Variants in SREBF2 observed in about 807,000 individuals in gnomAD.
The protein encoded by SREBF2 is sterol regulatory element-binding protein 2.
In SREBF2, 55 loss-of-function variants were observed where a neutral mutation model predicts 113.1. The ratio of observed to expected loss-of-function variants is 0.49; its 90% CI spans 0.39 to 0.61. The LOEUF is 0.61. Among genes scored for constraint, SREBF2 ranks in the 20% least tolerant of loss-of-function variants. The pLI, the probability that SREBF2 is intolerant of heterozygous loss-of-function variation, is 0.00. For missense variants in SREBF2, 1,349 were observed against 1,487.4 expected (o/e 0.91, Z 1.53); for synonymous variants, 593 against 605.7 (o/e 0.98, Z 0.31).
At chr22:41,846,217 A>G (rs2076875468) in intron 1 of SREBF2, among the ~76,000 whole-genome samples, 1 of 152,216 alleles carries the variant, frequency 6.6e-6, no homozygotes, top group Non-Finnish European at 1.5e-5. Flanking sequence ...TCTAGCTTGA[A>G]CAGAAAAGGA....
At position 41,902,461 on chromosome 22, in the gene SREBF2, G is replaced by A. The variant is rs1230290029; in HGVS notation, c.2908-509G>A. 3.3e-5 allele frequency among the ~76,000 whole-genome samples: 5 copies of A among 152,184 alleles called. No homozygotes were observed. The East Asian group carries it at 9.6e-4, about 29-fold the overall frequency. On this transcript the variant is annotated intron_variant, in intron 16 of 18. Coordinates refer to ENST00000361204, the MANE Select transcript of SREBF2 (RefSeq NM_004599.4). ...CCGGGTCAGTAGGCCTAGTCCCCAA[G>A]CACTAAGGCACTCTGTGGTTCTGTC...
chr22:41,904,868 C>G lies in SREBF2; in HGVS notation c.3099C>G (p.Phe1033Leu). The G allele has an allele frequency of 6.9e-6, 11 of 1,593,494 alleles. No homozygotes were observed. Among genetic ancestry groups the G allele is most frequent in the Non-Finnish European group, 9.4e-6 (11 of 1,172,178 alleles). ...TCACCCCGGCACCTCCCCAGGTGTTCCTGCATGAAGCCACCGTGCGCCTGA... is the reference window on the plus strand; with the variant it reads ...TCACCCCGGCACCTCCCCAGGTGTTGCTGCATGAAGCCACCGTGCGCCTGA... Reference protein sequence around the residue: ...HSFRPAYRKVFLHEATVRLMA... With the variant: ...HSFRPAYRKVLLHEATVRLMA... The change falls in exon 18 of 19, where the codon TTC becomes TTG. Residue 1033 changes from phenylalanine (F) to leucine (L), a missense_variant. By Grantham distance (22) the Phe-to-Leu change is conservative. Coordinates refer to ENST00000361204, the MANE Select transcript of SREBF2 (RefSeq NM_004599.4).
chr22:41,872,106 C>T (rs143009280), intron 4 of SREBF2, among the ~76,000 whole-genome samples: 6,464 of 151,688 alleles, frequency 0.043, 437 homozygotes, highest in African/African-American at 0.15. Flanking sequence ...AAAAATTAGC[C>T]GGGCATGGTG....
At chr22:41,858,676 G>A (rs1308147361) in intron 1 of SREBF2, among the ~76,000 whole-genome samples, 1 of 152,114 alleles carries the variant, frequency 6.6e-6, no homozygotes, top group Non-Finnish European at 1.5e-5. Flanking sequence ...AAGCCCAGGA[G>A]GTAGAGGCCA....
intron 16 of SREBF2, 106 bp downstream of exon 16, chr22:41,900,604 CAG>C (rs1436752733): frequency 1.9e-5 from 23 of 1,192,838 alleles, no homozygotes; most frequent in Non-Finnish European, 2.6e-5. Context: ...ATCCGAAAGA[CAG>C]AGAAACCAGG....
chr22:41,877,127 A>G, intron 7 of SREBF2, 102 bp from the exon 8 acceptor site: 1 of 1,248,232 alleles, frequency 8.0e-7, no homozygotes. Context: ...ATCGACTTGA[A>G]TTTAAACCTC....
chr22:41,900,358 G>A lies in SREBF2; in HGVS notation c.2767G>A (p.Ala923Thr), dbSNP rs757996476. 2 of 1,613,606 alleles carry A rather than the reference G, an allele frequency of 1.2e-6. No individual in the cohort carries two copies. Among genetic ancestry groups the A allele is most frequent in the South Asian group, 2.2e-5 (2 of 91,080 alleles). Reference protein sequence around the residue: ...ESPLVKAIFHACRAMHASLPG... With the variant: ...ESPLVKAIFHTCRAMHASLPG... ...CCCCCTGGTGAAGGCCATCTTCCAT[G>A]CCTGCAGAGCCATGCATGCCTCACT... The change falls in exon 16 of 19, where the codon GCC becomes ACC. Residue 923 changes from alanine to threonine, a missense_variant. Ala to Thr is a moderately conservative substitution (Grantham distance 58, BLOSUM62 0). This residue lies in a region of SREBF2 where 650 missense variants were observed against 644.1 expected (regional missense o/e 1.01). Coordinates refer to ENST00000361204, the MANE Select transcript of SREBF2 (RefSeq NM_004599.4).
chr22:41,898,921 G>C, intron 15 of SREBF2, 140 bp downstream of exon 15: 1 of 1,260,928 alleles, frequency 7.9e-7, no homozygotes, highest in Non-Finnish European at 1.1e-6. Context: ...GAAAAGTCGG[G>C]GGTGAGGGCA....
rs755661540 is a variant in SREBF2 at position 41,898,754 on chromosome 22, G to A, written c.2711G>A (p.Arg904His). 4 of 1,614,116 alleles carry A rather than the reference G, an allele frequency of 2.5e-6. No homozygotes were observed. The highest frequency in any genetic ancestry group is 1.1e-5 in the South Asian group (1 of 91,068). The change falls in exon 15 of 19, where the codon CGC becomes CAC. Residue 904 changes from arginine (R) to histidine (H), a missense_variant. Arg to His is a conservative substitution (Grantham distance 29, BLOSUM62 0). Around this residue, in one of 2 missense-constraint regions of SREBF2, gnomAD observed 650 missense variants for 644.1 expected, o/e 1.01. Coordinates refer to ENST00000361204, the MANE Select transcript of SREBF2 (RefSeq NM_004599.4). ...AVRSHFTKVE[R>H]IPKALEVTES... ...CGCTCTCATTTTACCAAAGTGGAAC[G>A]CATCCCCAAGGCCCTGGAAGTGACA...
chr22:41,870,273 C>G (rs1166632012), intron 3 of SREBF2, among the ~76,000 whole-genome samples: 1 of 152,232 alleles, frequency 6.6e-6, no homozygotes, highest in Non-Finnish European at 1.5e-5. Context: ...CTACCCATCT[C>G]TGCTCTGCTC....
intron 7 of SREBF2, 43 bp from the exon 8 acceptor site, chr22:41,877,186 A>C: frequency 6.3e-7 from 1 of 1,588,808 alleles, no homozygotes; most frequent in Non-Finnish European, 8.6e-7. Context: ...TGCTGTAAAA[A>C]CCTATGCAGT....
chr22:41,843,966 A>G (rs2076852403), intron 1 of SREBF2, among the ~76,000 whole-genome samples: 1 of 151,246 alleles, frequency 6.6e-6, no homozygotes, highest in Admixed American at 6.6e-5. Flanking sequence ...CAGTGAGTCA[A>G]GATCACACCA....
intron 11 of SREBF2, among the ~76,000 whole-genome samples, chr22:41,889,980 A>G (rs2077342261): frequency 6.6e-6 from 1 of 152,076 alleles, no homozygotes; most frequent in Non-Finnish European, 1.5e-5. Context: ...GTGACAGAGC[A>G]AGACTCTGTC....
intron 1 of SREBF2, among the ~76,000 whole-genome samples, chr22:41,852,590 G>A (rs1040655826): frequency 2.0e-5 from 3 of 151,882 alleles, no homozygotes; most frequent in African/African-American, 7.3e-5. Flanking sequence ...CTGTTTCCCA[G>A]TTTTGGTCAC....
intron 18 of SREBF2, among the ~76,000 whole-genome samples, chr22:41,905,184 T>TG (rs1263391907): frequency 3.9e-5 from 6 of 152,092 alleles, no homozygotes; most frequent in African/African-American, 1.4e-4. Context: ...GAAGGAGGGT[T>TG]GGGGTGGCGT....
chr22:41,884,774 G>A (rs1221075220), intron 10 of SREBF2, 68 bp from the exon 11 acceptor site: 109 of 1,555,300 alleles, frequency 7.0e-5, no homozygotes, highest in Non-Finnish European at 8.0e-6. Context: ...TGATCGTGCT[G>A]GAGAGAGCAG....
intron 1 of SREBF2, among the ~76,000 whole-genome samples, chr22:41,839,519 A>T (rs1252978245): frequency 6.6e-6 from 1 of 152,138 alleles, no homozygotes; most frequent in Non-Finnish European, 1.5e-5. Flanking sequence ...GAACAGTCAG[A>T]TGAGGGAATC....
chr22:41,879,109 C>T (rs1405319121), intron 9 of SREBF2, among the ~76,000 whole-genome samples: 1 of 152,152 alleles, frequency 6.6e-6, no homozygotes, highest in Non-Finnish European at 1.5e-5. Flanking sequence ...GATCCTCTCA[C>T]CTTGACGTCC....
intron 1 of SREBF2, among the ~76,000 whole-genome samples, chr22:41,861,513 A>G (rs576147247): frequency 4.7e-4 from 71 of 152,126 alleles, no homozygotes; most frequent in Non-Finnish European, 9.1e-4. Flanking sequence ...AAAAATTGAC[A>G]ATGGATGACT....
Sources: allele counts gnomAD v4.1 joint callset (sites outside exome capture counted in the v4.1 genomes callset), GRCh38; gene constraint gnomAD v4.1.1; regional missense constraint gnomAD v4.1.1; transcripts MANE v1.5; gene names NCBI Gene and HGNC (gene_info 2026-07-23, HGNC 2026-07-21).